CREBBP: variants seen among roughly 807,000 people sequenced by gnomAD.
CREBBP encodes the protein CREB binding lysine acetyltransferase, also known as CREB-binding protein.
In CREBBP, 19 loss-of-function variants were observed where a neutral mutation model predicts 265.0. The ratio of observed to expected loss-of-function variants is 0.07; its 90% CI spans 0.05 to 0.11. The LOEUF is 0.11. CREBBP is among the 10% of genes least tolerant of loss of function. The probability of loss-of-function intolerance (pLI) is 1.00; values close to 1 mark genes in which losing one functional copy is unlikely to be tolerated. For missense variants in CREBBP, 2,525 were observed against 3,219.0 expected (o/e 0.78, Z 5.22); for synonymous variants, 1,457 against 1,223.7 (o/e 1.19, Z -3.98).
rs1247356985 is a variant in CREBBP, at chr16:3,729,808, G to A, written c.5239C>T (p.Leu1747=). The change falls in exon 31 of 31, where the codon CTG becomes TTG. Residue 1747 remains leucine (L), a synonymous_variant. Transcript: ENST00000262367. ...CTGCTGCCCTCGTCATCCAGGCCCAGCCCCCACTTCACCATCTTATGGGCA... is the reference window on the plus strand; with the variant it reads ...CTGCTGCCCTCGTCATCCAGGCCCAACCCCCACTTCACCATCTTATGGGCA... ...SHAHKMVKWG[L]GLDDEGSSQG... 2 of 1,605,808 alleles carry A rather than the reference G, an allele frequency of 1.2e-6. No individual in the cohort carries two copies. The highest frequency in any genetic ancestry group is 1.7e-4 in the Middle Eastern group (1 of 6,054).
chr16:3,879,079 G>A (rs1371013989), intron 1 of CREBBP, among the ~76,000 whole-genome samples: 2 of 152,028 alleles, frequency 1.3e-5, no homozygotes, highest in African/African-American at 2.4e-5. Context: ...CTCAAATGGA[G>A]ATTGCAGCCC....
At chr16:3,820,569 T>C (rs2054122620) in intron 2 of CREBBP, among the ~76,000 whole-genome samples, 1 of 152,246 alleles carries the variant, frequency 6.6e-6, no homozygotes, top group Admixed American at 6.5e-5. Context: ...ACTCTCACTG[T>C]ATTTCATTTG....
intron 16 of CREBBP, among the ~76,000 whole-genome samples, chr16:3,759,784 C>A (rs1031437162): frequency 6.6e-6 from 1 of 152,114 alleles, no homozygotes; most frequent in Non-Finnish European, 1.5e-5. Flanking sequence ...TTACTAATGC[C>A]AATTTCTCCA....
intron 19 of CREBBP, among the ~76,000 whole-genome samples, chr16:3,755,355 A>G (rs1481693478): frequency 6.6e-6 from 1 of 152,224 alleles, no homozygotes; most frequent in African/African-American, 2.4e-5. Context: ...AGACAGTGGT[A>G]AACAATCTAC....
intron 2 of CREBBP, chr16:3,812,941 G>A (rs1251267012): frequency 2.4e-5 from 5 of 209,900 alleles, no homozygotes; most frequent in African/African-American, 1.1e-4. Flanking sequence ...GCCTCACCTG[G>A]TGACTGCCAC....
intron 1 of CREBBP, among the ~76,000 whole-genome samples, chr16:3,871,060 A>G (rs1321619129): frequency 6.6e-6 from 1 of 151,764 alleles, no homozygotes; most frequent in Non-Finnish European, 1.5e-5. Context: ...AGAGAAAAAA[A>G]GAAGGAAGGA....
At chr16:3,782,497 G>A (rs2053294686) in intron 6 of CREBBP, among the ~76,000 whole-genome samples, 187 bp downstream of exon 6, 1 of 152,196 alleles carries the variant, frequency 6.6e-6, no homozygotes, top group Admixed American at 6.5e-5. Context: ...TGCAAATGCT[G>A]CTCTTTTTAT....
At chr16:3,746,838 A>T (rs988819821) in intron 21 of CREBBP, among the ~76,000 whole-genome samples, 3 of 152,144 alleles carry the variant, frequency 2.0e-5, no homozygotes, top group Admixed American at 6.5e-5. Context: ...CCAGTTACTT[A>T]GAAGGCTGAG....
intron 6 of CREBBP, among the ~76,000 whole-genome samples, chr16:3,781,620 A>G (rs970877763): frequency 2.6e-5 from 4 of 152,220 alleles, no homozygotes; most frequent in African/African-American, 9.6e-5. Flanking sequence ...TCTTACTTTC[A>G]TTCTGCTTCA....
At chr16:3,860,456 A>G (rs902413683) in intron 1 of CREBBP, among the ~76,000 whole-genome samples, 2 of 152,224 alleles carry the variant, frequency 1.3e-5, no homozygotes, top group Admixed American at 6.5e-5. Flanking sequence ...GGACTCAAGC[A>G]ATCCTCCTGC....
intron 1 of CREBBP, among the ~76,000 whole-genome samples, chr16:3,874,650 T>C (rs947800872): frequency 2.0e-5 from 3 of 152,216 alleles, no homozygotes; most frequent in South Asian, 2.1e-4. Flanking sequence ...AAAAGAGTTC[T>C]AGCGTCAAAC....
intron 1 of CREBBP, among the ~76,000 whole-genome samples, chr16:3,879,164 A>C (rs1361640521): frequency 5.9e-5 from 9 of 152,206 alleles, no homozygotes; most frequent in Non-Finnish European, 8.8e-5. Context: ...AGCAACTTTC[A>C]TGACATCTTG....
At chr16:3,852,390 G>T (rs1025025349) in intron 1 of CREBBP, among the ~76,000 whole-genome samples, 2 of 151,480 alleles carry the variant, frequency 1.3e-5, no homozygotes, top group African/African-American at 4.9e-5. Flanking sequence ...GGATGGTCTC[G>T]ATCTCCTGAC....
chr16:3,739,334 G>A (rs866480881), intron 25 of CREBBP: 13 of 543,562 alleles, frequency 2.4e-5, no homozygotes, highest in East Asian at 3.3e-5. Flanking sequence ...GTTTACCTGC[G>A]TTAGGTAAGA....
intron 25 of CREBBP, among the ~76,000 whole-genome samples, chr16:3,738,882 A>G (rs1257340655): frequency 2.0e-5 from 3 of 152,178 alleles, no homozygotes; most frequent in African/African-American, 7.2e-5. Flanking sequence ...CATAGTTAGG[A>G]TGACAAGGCA....
chr16:3,873,702 G>A (rs1244972709), intron 1 of CREBBP, among the ~76,000 whole-genome samples: 3 of 152,136 alleles, frequency 2.0e-5, no homozygotes, highest in Non-Finnish European at 4.4e-5. Flanking sequence ...TCTGAGCTCA[G>A]AGAGCTGATG....
chr16:3,758,971 G>A lies in CREBBP; in HGVS notation c.3252C>T (p.Ile1084=), dbSNP rs190925539. Residue 1084 remains isoleucine (I), a splice_region_variant and synonymous_variant, in exon 17 of 31, where the codon ATC becomes ATT. Transcript: ENST00000262367. ...STSPSQPRKK[I]FKPEELRQAL... is the part of the protein sequence containing the mutation. Reference sequence around the variant, plus strand: ...CCTGGCGTAACTCCTCTGGTTTAAAGACTGCAGAGAAAACATCAAGAAAAG... The same window carrying A: ...CCTGGCGTAACTCCTCTGGTTTAAAAACTGCAGAGAAAACATCAAGAAAAG... 15 of 1,606,052 alleles carry A rather than the reference G, an allele frequency of 9.3e-6. No homozygotes were observed. Among genetic ancestry groups the A allele is most frequent in the Middle Eastern group, 3.8e-4 (2 of 5,300 alleles).
At chr16:3,816,016 T>A (rs1479642263) in intron 2 of CREBBP, among the ~76,000 whole-genome samples, 4 of 152,140 alleles carry the variant, frequency 2.6e-5, no homozygotes, top group Non-Finnish European at 5.9e-5. Context: ...CCATAAAGTA[T>A]TTATATTCTG....
At chr16:3,858,535 T>C (rs1018197670) in intron 1 of CREBBP, among the ~76,000 whole-genome samples, 8 of 152,238 alleles carry the variant, frequency 5.3e-5, no homozygotes, top group African/African-American at 1.9e-4. Flanking sequence ...AGGGATCCTG[T>C]CTTGCTTATC....
Sources: gnomAD v4.1 joint callset for allele counts (sites outside exome capture counted in the v4.1 genomes callset) on GRCh38, gnomAD v4.1.1 for gene constraint, MANE v1.5 for transcripts, NCBI Gene and HGNC (gene_info 2026-07-23, HGNC 2026-07-21) for gene names.